Variants in SF1 observed in about 807,000 individuals in gnomAD.
SF1 encodes branch point-binding protein.
SF1 carries 7 observed loss-of-function variants against 62.5 expected under a neutral mutation model. The observed-to-expected ratio is 0.11, with a 90% CI of 0.06 to 0.21. SF1 has a LOEUF of 0.21. SF1 is among the 10% of genes least tolerant of loss of function. The pLI is 1.00. For synonymous variants in SF1, 394 were observed against 323.6 expected, an observed-to-expected ratio of 1.22 and a Z score of -2.33; for missense variants, 578 against 884.0, an observed-to-expected ratio of 0.65 and a Z score of 4.39.
chr11:64,774,659 A>G (rs1197847992), intron 2 of SF1, among the ~76,000 whole-genome samples: 1 of 152,140 alleles, frequency 6.6e-6, no homozygotes, highest in Admixed American at 6.6e-5. Flanking sequence ...AAAACCCATT[A>G]TTATCGAAAG....
At chr11:64,767,347 T>G in intron 10 of SF1, 96 bp from the exon 11 acceptor site, 1 of 1,285,588 alleles carries the variant, frequency 7.8e-7, no homozygotes, top group South Asian at 1.2e-5. Flanking sequence ...TTACGCGAGT[T>G]CTGAAAACCA....
intron 10 of SF1, 113 bp from the exon 11 acceptor site, chr11:64,767,364 T>C: frequency 8.5e-7 from 1 of 1,182,642 alleles, no homozygotes; most frequent in Non-Finnish European, 1.3e-6. Flanking sequence ...ACCATGCCTG[T>C]AAAAGGCAGG....
Position 64,768,117 on chromosome 11 carries a change from G to A in SF1, c.1057C>T (p.Pro353Ser). The A allele has an allele frequency of 6.2e-7, 1 of 1,610,884 alleles. No homozygotes were observed. Among genetic ancestry groups the A allele is most frequent in the Non-Finnish European group, 8.5e-7 (1 of 1,178,314 alleles). ...GCCCCCAGGCTCACCGGTGGAGGTG[G>A]GTTGTTGGCGGGAGCAGCAGGACGA... is the stretch of plus-strand genomic sequence containing the variant. ...APRPAAPANNPPPPSLMSTTQ... is the reference protein window; with the variant it reads ...APRPAAPANNSPPPSLMSTTQ... The change falls in exon 9 of 13, where the codon CCA (proline) becomes TCA (serine). Residue 353 changes from proline to serine, a missense_variant. Coordinates refer to ENST00000377390, the MANE Select transcript of SF1 (RefSeq NM_004630.4).
Position 64,778,462 on chromosome 11 carries a change from G to A in SF1, c.-70C>T. 1.6e-6 allele frequency: 2 copies of A among 1,212,502 alleles called. No individual in the cohort carries two copies. Among genetic ancestry groups the A allele is most frequent in the South Asian group, 4.1e-5 (1 of 24,292 alleles). The allele number at this position is 1,212,502 out of a possible 1,614,324, so 75.1% of individuals were successfully genotyped here. A position where few individuals can be genotyped will look rare whatever the true frequency, so the allele number is the denominator to read the frequency against. Reference sequence around the variant, plus strand: ...CGGCTTCTCCTTCGCAAGCCTCCCGGGGGGAGGGGACCCGAATGCGCTGCC... The same window carrying A: ...CGGCTTCTCCTTCGCAAGCCTCCCGAGGGGAGGGGACCCGAATGCGCTGCC... On this transcript the variant is annotated 5_prime_UTR_variant, in exon 1 of 13. Coordinates refer to ENST00000377390, the MANE Select transcript of SF1 (RefSeq NM_004630.4).
At chr11:64,778,071 A>T in intron 1 of SF1, 1 of 979,802 alleles carries the variant, frequency 1.0e-6, no homozygotes, top group Non-Finnish European at 1.2e-6. Context: ...ACGCGCTGGT[A>T]GAGCGGCGGC....
intron 7 of SF1, 35 bp from the exon 8 acceptor site, chr11:64,769,164 A>T: frequency 6.2e-7 from 1 of 1,609,592 alleles, no homozygotes; most frequent in Non-Finnish European, 8.5e-7. Context: ...GCAAGGGAAC[A>T]ATCTCTACTT....
chr11:64,765,305 G>C lies in SF1; in HGVS notation c.*513C>G, dbSNP rs762740207. The stretch of plus-strand genomic sequence containing the variant: ...GAGTCTGAAGAAAGGAAAAGATAAA[G>C]AAGTAACAAAGGAAAAAGAAAAAAA... On this transcript the variant is annotated 3_prime_UTR_variant, in exon 13 of 13. Transcript: ENST00000377390. 14 of 642,062 alleles carry C rather than the reference G, an allele frequency of 2.2e-5. No individual in the cohort carries two copies. The highest frequency in any genetic ancestry group is 3.7e-5 in the Non-Finnish European group (13 of 354,776). 39.8% of individuals were successfully genotyped at this position (642,062 alleles called of 1,614,324 possible).
In SF1 at chr11:64,765,558, G is replaced by GAGGAGAGAA; in HGVS notation, c.*251_*259dup. On this transcript the variant is annotated 3_prime_UTR_variant, in exon 13 of 13. Coordinates refer to ENST00000377390, the MANE Select transcript of SF1 (RefSeq NM_004630.4). ...TGGGGAGAGGCAAAGGGAGTTGGGT[G>GAGGAGAGAA]AGGAGAGAAAGAAGACAAAGAAGAC... The GAGGAGAGAA allele has an allele frequency of 6.3e-7, 1 of 1,577,052 alleles. No homozygotes were observed. The highest frequency in any genetic ancestry group is 8.6e-7 in the Non-Finnish European group (1 of 1,164,946).
chr11:64,772,772 A>G, intron 3 of SF1: 1 of 985,218 alleles, frequency 1.0e-6, no homozygotes, highest in Non-Finnish European at 1.2e-6. Flanking sequence ...TGACATGACC[A>G]CAGCTGTTTG....
Position 64,769,476 on chromosome 11 carries a change from C to A in SF1, c.613G>T (p.Ala205Ser). The change falls in exon 6 of 13, where the codon GCC (alanine) becomes TCC (serine). Residue 205 changes from alanine to serine, a missense_variant. By Grantham distance (99) the Ala-to-Ser change is moderately conservative. Around this residue, in one of 7 missense-constraint regions of SF1, gnomAD observed 16 missense variants for 59.3 expected, o/e 0.27. Transcript: ENST00000377390. ...MLPGEDEPLH[A>S]LVTANTMENV... is the part of the protein sequence containing the mutation. ...TCCATTGTATTGGCAGTAACCAGGG[C>A]ATGAAGTGGCTCATCTTCTCCTGGC... The A allele has an allele frequency of 6.2e-7, 1 of 1,614,226 alleles. No homozygotes were observed. Among genetic ancestry groups the A allele is most frequent in the Non-Finnish European group, 8.5e-7 (1 of 1,180,032 alleles).
Position 64,766,881 on chromosome 11 carries a change from C to T in SF1, c.1582+19G>A, listed in dbSNP as rs769108179. On this transcript the variant is annotated intron_variant, in intron 12 of 12. Coordinates refer to ENST00000377390, the MANE Select transcript of SF1 (RefSeq NM_004630.4). ...CCCCCATCCCACCCACCCCCACAAGCCCAAAATATTCTACTCACTTTGCTG... is the reference window on the plus strand; with the variant it reads ...CCCCCATCCCACCCACCCCCACAAGTCCAAAATATTCTACTCACTTTGCTG... 1.9e-6 allele frequency: 2 copies of T among 1,062,882 alleles called. No homozygotes were observed. Among genetic ancestry groups the T allele is most frequent in the East Asian group, 7.1e-5 (2 of 28,290 alleles). The allele number at this position is 1,062,882 out of a possible 1,614,324, so 65.8% of individuals were successfully genotyped here. A position where few individuals can be genotyped will look rare whatever the true frequency, so the allele number is the denominator to read the frequency against.
intron 3 of SF1, chr11:64,771,894 G>A: frequency 1.0e-6 from 1 of 985,206 alleles, no homozygotes; most frequent in Non-Finnish European, 1.2e-6. Context: ...CAGGCATTAG[G>A]GCCTCTTTCA....
chr11:64,778,151 T>TGGGGAGGCGGAGGGG, intron 1 of SF1: 2 of 753,504 alleles, frequency 2.7e-6, no homozygotes, highest in Non-Finnish European at 3.3e-6. Flanking sequence ...CGGCGGCTGC[T>TGGGGAGGCGGAGGGG]GGGGAGGCGG....
chr11:64,765,549 G>C lies in SF1; in HGVS notation c.*269C>G. On this transcript the variant is annotated 3_prime_UTR_variant, in exon 13 of 13. Transcript: ENST00000377390. ...GGCCCGGTTTGGGGAGAGGCAAAGG[G>C]AGTTGGGTGAGGAGAGAAAGAAGAC... The C allele has an allele frequency of 6.3e-7, 1 of 1,591,204 alleles. No individual in the cohort carries two copies. Among genetic ancestry groups the C allele is most frequent in the Non-Finnish European group, 8.5e-7 (1 of 1,171,198 alleles).
rs71581800 is a variant in SF1, at chr11:64,765,475, C to T, written c.*343G>A. ...AGGGTCACCAATGGGCGCGGAAAGT[C>T]CTCACTCTCATGGCTCGGGCCATCG... On this transcript the variant is annotated 3_prime_UTR_variant, in exon 13 of 13. Coordinates refer to ENST00000377390, the MANE Select transcript of SF1 (RefSeq NM_004630.4). 7.4e-6 allele frequency: 12 copies of T among 1,613,394 alleles called. 1 individual carries two copies. The highest frequency in any genetic ancestry group is 6.7e-5 in the African/African-American group (5 of 74,906).
In SF1 at chr11:64,765,806, T is replaced by TAA; in HGVS notation, c.*10_*11dup. The TAA allele has an allele frequency of 1.3e-6, 2 of 1,530,044 alleles. No homozygotes were observed. Among genetic ancestry groups the TAA allele is most frequent in the Non-Finnish European group, 1.8e-6 (2 of 1,140,834 alleles). 94.8% of individuals were successfully genotyped at this position (1,530,044 alleles called of 1,614,324 possible). The stretch of plus-strand genomic sequence containing the variant: ...TCTCTATATATAATATATATTTTCT[T>TAA]AAAAAACAAGTCTAGTTCTGTGGTG... On this transcript the variant is annotated 3_prime_UTR_variant, in exon 13 of 13. Transcript: ENST00000377390.
chr11:64,771,731 A>C (rs1282035377), intron 3 of SF1: 1 of 985,322 alleles, frequency 1.0e-6, no homozygotes, highest in African/African-American at 1.7e-5. Context: ...TAAGTCTACA[A>C]GAAAAGTTTT....
chr11:64,772,852 T>C, intron 3 of SF1: 1 of 984,546 alleles, frequency 1.0e-6, no homozygotes, highest in Non-Finnish European at 1.2e-6. Context: ...CCAAAATAGG[T>C]GAGAATATTC....
rs769681681 is a variant in SF1, at chr11:64,765,780, C to T, written c.*38G>A. Reference sequence around the variant, plus strand: ...TCGGCGTGTTTAAACGAGACCAATTCTCTCTATATATAATATATATTTTCT... The same window carrying T: ...TCGGCGTGTTTAAACGAGACCAATTTTCTCTATATATAATATATATTTTCT... On this transcript the variant is annotated 3_prime_UTR_variant, in exon 13 of 13. Transcript: ENST00000377390. 16 of 1,499,272 alleles carry T rather than the reference C, an allele frequency of 1.1e-5. No individual in the cohort carries two copies. In the South Asian group the frequency reaches 2.0e-4, roughly 18 times the overall value. 92.9% of individuals were successfully genotyped at this position (1,499,272 alleles called of 1,614,324 possible).
Sources: gnomAD v4.1 joint callset for allele counts (sites outside exome capture counted in the v4.1 genomes callset) on GRCh38, gnomAD v4.1.1 for gene constraint, gnomAD v4.1.1 regional missense constraint, MANE v1.5 for transcripts, NCBI Gene and HGNC (gene_info 2026-07-23, HGNC 2026-07-21) for gene names.